The following KCNQ5 variants were observed in gnomAD, a reference collection of about 807,000 sequenced individuals.
The protein encoded by KCNQ5 is potassium voltage-gated channel subfamily KQT member 5.
In KCNQ5, 30 loss-of-function variants were observed where a neutral mutation model predicts 98.2. The observed-to-expected ratio is 0.31, with a 90% CI of 0.23 to 0.41. The LOEUF (loss-of-function observed/expected upper bound fraction) is 0.41, where lower values mean the gene tolerates loss of function less well. KCNQ5 is among the 10% of genes least tolerant of loss of function. The pLI is 1.00. For missense variants in KCNQ5, 835 were observed against 1,182.5 expected (o/e 0.71, Z 4.31); for synonymous variants, 458 against 449.4 (o/e 1.02, Z -0.24).
At chr6:73,156,259 ATAG>A (rs1777358984) in intron 10 of KCNQ5, among the ~76,000 whole-genome samples, 1 of 152,254 alleles carries the variant, frequency 6.6e-6, no homozygotes, top group Non-Finnish European at 1.5e-5. Flanking sequence ...ACCACCATTA[ATAG>A]TAGCCATTTT....
chr6:72,724,966 A>G (rs1770186046), intron 1 of KCNQ5, among the ~76,000 whole-genome samples: 1 of 152,204 alleles, frequency 6.6e-6, no homozygotes, highest in South Asian at 2.1e-4. Flanking sequence ...GAAACCATAT[A>G]AACAATTCAA....
At chr6:72,871,415 C>T (rs925667782) in intron 1 of KCNQ5, among the ~76,000 whole-genome samples, 6 of 152,092 alleles carry the variant, frequency 3.9e-5, no homozygotes, top group Non-Finnish European at 8.8e-5. Context: ...AATGCATTTA[C>T]ATATTAATGT....
chr6:72,676,711 AC>A (rs1402339501), intron 1 of KCNQ5, among the ~76,000 whole-genome samples: 1 of 119,826 alleles, frequency 8.3e-6, no homozygotes, highest in Non-Finnish European at 2.0e-5. Flanking sequence ...TTTTTTCCAT[AC>A]ATTTGACATT....
chr6:72,838,952 A>G (rs113034978), intron 1 of KCNQ5, among the ~76,000 whole-genome samples: 7 of 146,410 alleles, frequency 4.8e-5, no homozygotes, highest in African/African-American at 7.7e-5. Flanking sequence ...TCCGTCTCAA[A>G]AAAAAAAAAA....
chr6:72,988,107 A>G (rs938387510), intron 1 of KCNQ5, among the ~76,000 whole-genome samples: 1 of 152,212 alleles, frequency 6.6e-6, no homozygotes, highest in African/African-American at 2.4e-5. Context: ...TTTCTGTGTT[A>G]AACATTCCGT....
intron 1 of KCNQ5, among the ~76,000 whole-genome samples, chr6:72,629,239 A>G (rs1006198518): frequency 1.3e-5 from 2 of 152,156 alleles, no homozygotes; most frequent in Non-Finnish European, 2.9e-5. Context: ...TATATATTCT[A>G]TTCTGAATTA....
chr6:72,900,405 A>G (rs1779441888), intron 1 of KCNQ5, among the ~76,000 whole-genome samples: 1 of 147,570 alleles, frequency 6.8e-6, no homozygotes, highest in African/African-American at 2.5e-5. Flanking sequence ...ATATATGATG[A>G]AATATATATA....
chr6:72,767,867 C>A (rs1350440954), intron 1 of KCNQ5, among the ~76,000 whole-genome samples: 4 of 151,980 alleles, frequency 2.6e-5, no homozygotes, highest in African/African-American at 7.2e-5. Flanking sequence ...ATACTGGAAC[C>A]CTCATACATG....
chr6:72,649,687 C>T (rs1280162719), intron 1 of KCNQ5, among the ~76,000 whole-genome samples: 1 of 152,098 alleles, frequency 6.6e-6, no homozygotes, highest in Non-Finnish European at 1.5e-5. Flanking sequence ...AATTCTTCAG[C>T]TTGTACAATC....
chr6:72,860,823 T>C (rs1777732788), intron 1 of KCNQ5, among the ~76,000 whole-genome samples: 1 of 149,472 alleles, frequency 6.7e-6, no homozygotes, highest in Non-Finnish European at 1.5e-5. Context: ...GGCTCATCAC[T>C]GTCCTTTTAA....
intron 11 of KCNQ5, among the ~76,000 whole-genome samples, chr6:73,181,253 G>A (rs545224545): frequency 6.6e-6 from 1 of 152,130 alleles, no homozygotes; most frequent in South Asian, 2.1e-4. Flanking sequence ...TGTGCAATGG[G>A]TTTATTAGAC....
chr6:72,867,440 G>C (rs1441704548), intron 1 of KCNQ5, among the ~76,000 whole-genome samples: 1 of 152,162 alleles, frequency 6.6e-6, no homozygotes, highest in Non-Finnish European at 1.5e-5. Flanking sequence ...ATCCACATTG[G>C]TGAAACCAAC....
chr6:73,043,836 T>C (rs1189263636), intron 3 of KCNQ5, among the ~76,000 whole-genome samples: 2 of 152,230 alleles, frequency 1.3e-5, no homozygotes, highest in African/African-American at 4.8e-5. Context: ...TTGATAGCTG[T>C]TTTCAGCTAC....
chr6:73,109,860 A>G (rs6453635), intron 6 of KCNQ5, among the ~76,000 whole-genome samples: 143,098 of 152,272 alleles, frequency 0.94, 67,303 homozygotes, highest in South Asian at 0.98. Context: ...TTGCTCACGA[A>G]TAGCAAATAG....
At chr6:73,161,628 TA>T in intron 10 of KCNQ5, among the ~76,000 whole-genome samples, 1 of 152,260 alleles carries the variant, frequency 6.6e-6, no homozygotes, top group African/African-American at 2.4e-5. Context: ...GAATTATTTT[TA>T]AAAAGAAATG....
At chr6:72,699,444 G>A (rs1421169649) in intron 1 of KCNQ5, among the ~76,000 whole-genome samples, 1 of 152,190 alleles carries the variant, frequency 6.6e-6, no homozygotes, top group Non-Finnish European at 1.5e-5. Context: ...TATCAGCTGA[G>A]TAAGACCTCT....
At chr6:73,072,276 C>G (rs1773330083) in intron 3 of KCNQ5, among the ~76,000 whole-genome samples, 1 of 152,194 alleles carries the variant, frequency 6.6e-6, no homozygotes, top group Admixed American at 6.5e-5. Flanking sequence ...GAGGGTTTAT[C>G]TGTCCTTATA....
At chr6:72,653,667 G>A (rs949650031) in intron 1 of KCNQ5, among the ~76,000 whole-genome samples, 1 of 151,996 alleles carries the variant, frequency 6.6e-6, no homozygotes, top group African/African-American at 2.4e-5. Flanking sequence ...GTTGTTAAAT[G>A]TGGATATAAA....
At chr6:73,176,571 G>A (rs1300093245) in intron 11 of KCNQ5, among the ~76,000 whole-genome samples, 1 of 152,204 alleles carries the variant, frequency 6.6e-6, no homozygotes, top group Non-Finnish European at 1.5e-5. Flanking sequence ...GCAATGTAAG[G>A]AATGTATTGG....
Sources: gnomAD v4.1 joint callset for allele counts (sites outside exome capture counted in the v4.1 genomes callset) on GRCh38, gnomAD v4.1.1 for gene constraint, MANE v1.5 for transcripts, NCBI Gene and HGNC (gene_info 2026-07-23, HGNC 2026-07-21) for gene names.